The following BMPER variants were observed in gnomAD, a reference collection of about 807,000 sequenced individuals.
The protein encoded by BMPER is BMP binding endothelial regulator.
BMPER carries 45 observed loss-of-function variants against 87.3 expected under a neutral mutation model. The ratio of observed to expected loss-of-function variants is 0.52; its 90% confidence interval spans 0.41 to 0.66. The LOEUF (loss-of-function observed/expected upper bound fraction) is 0.66, where lower values mean the gene tolerates loss of function less well. Ranked by LOEUF, BMPER falls within the 30% of genes least tolerant of loss-of-function variation. The pLI is 0.00. For missense variants in BMPER, 784 were observed against 867.5 expected, an observed-to-expected ratio of 0.90 and a Z score of 1.21; for synonymous variants, 326 against 316.2, an observed-to-expected ratio of 1.03 and a Z score of -0.33.
At chr7:34,092,530 A>G (rs138323103) in intron 13 of BMPER, among the ~76,000 whole-genome samples, 1 of 152,244 alleles carries the variant, frequency 6.6e-6, no homozygotes, top group African/African-American at 2.4e-5. Flanking sequence ...TCACTCAGCA[A>G]TTTGCCTAAT....
chr7:33,982,739 C>A (rs1785898166), intron 6 of BMPER, among the ~76,000 whole-genome samples: 1 of 152,158 alleles, frequency 6.6e-6, no homozygotes, highest in Non-Finnish European at 1.5e-5. Flanking sequence ...CATAAATGCA[C>A]AACTATTGTT....
At chr7:34,032,417 A>G (rs898099008) in intron 6 of BMPER, among the ~76,000 whole-genome samples, 4 of 152,092 alleles carry the variant, frequency 2.6e-5, no homozygotes, top group African/African-American at 9.7e-5. Context: ...TTCATCACCC[A>G]TTATCTGGAG....
chr7:33,981,864 T>C (rs1393304054), intron 6 of BMPER, among the ~76,000 whole-genome samples: 4 of 152,176 alleles, frequency 2.6e-5, no homozygotes, highest in African/African-American at 9.7e-5. Context: ...GTGAATGACT[T>C]CCCTGAGAAT....
At chr7:33,993,777 G>A (rs1786306319) in intron 6 of BMPER, among the ~76,000 whole-genome samples, 1 of 152,136 alleles carries the variant, frequency 6.6e-6, no homozygotes, top group Non-Finnish European at 1.5e-5. Flanking sequence ...TTTGATGATG[G>A]TGATGTACAG....
In BMPER at chr7:34,085,917, G is replaced by C; in HGVS notation, c.1570G>C (p.Glu524Gln). 6.2e-7 allele frequency: 1 copy of C among 1,614,140 alleles called. No homozygotes were observed. Among genetic ancestry groups the C allele is most frequent in the Non-Finnish European group, 8.5e-7 (1 of 1,180,026 alleles). ...CAAGTTTGATGTGGATGACTTTGCT[G>C]AATCTTGGAGGGTGGAGTCCAATGA... The part of the protein sequence containing the change: ...NFKFDVDDFA[E>Q]SWRVESNEFC... The change falls in exon 13 of 15, where the codon GAA becomes CAA. Residue 524 changes from glutamate (E) to glutamine (Q), a missense_variant. Transcript: ENST00000649409.
At chr7:33,930,283 A>G (rs1364007118) in intron 2 of BMPER, among the ~76,000 whole-genome samples, 1 of 152,108 alleles carries the variant, frequency 6.6e-6, no homozygotes, top group Non-Finnish European at 1.5e-5. Context: ...TGGCTGACCA[A>G]ACTGCCTTTT....
intron 6 of BMPER, among the ~76,000 whole-genome samples, chr7:34,038,723 C>G (rs1162918930): frequency 6.6e-6 from 1 of 152,110 alleles, no homozygotes; most frequent in Non-Finnish European, 1.5e-5. Context: ...GCCCCATAGA[C>G]CCTTTCTCAG....
intron 13 of BMPER, among the ~76,000 whole-genome samples, chr7:34,090,006 A>C (rs1488906870): frequency 2.0e-5 from 3 of 152,182 alleles, no homozygotes; most frequent in Admixed American, 2.0e-4. Flanking sequence ...ATTTGGCATA[A>C]AAATTTGATA....
At chr7:34,007,652 A>AT (rs1464095987) in intron 6 of BMPER, among the ~76,000 whole-genome samples, 1 of 152,016 alleles carries the variant, frequency 6.6e-6, no homozygotes, top group African/African-American at 2.4e-5. Context: ...AAATGGCTGC[A>AT]TGTTATTCCA....
intron 6 of BMPER, among the ~76,000 whole-genome samples, chr7:33,976,262 C>A (rs939502050): frequency 6.6e-6 from 1 of 152,130 alleles, no homozygotes; most frequent in Non-Finnish European, 1.5e-5. Context: ...AAGTGATTCT[C>A]CTGCCTCAGC....
chr7:33,954,727 G>C (rs565360833), intron 3 of BMPER, among the ~76,000 whole-genome samples: 1 of 152,166 alleles, frequency 6.6e-6, no homozygotes, highest in East Asian at 1.9e-4. Context: ...TTCCACTACA[G>C]CTCCCATGAG....
At chr7:34,110,385 A>G (rs1465325095) in intron 13 of BMPER, among the ~76,000 whole-genome samples, 1 of 152,162 alleles carries the variant, frequency 6.6e-6, no homozygotes, top group Non-Finnish European at 1.5e-5. Context: ...AGGAAAGTGG[A>G]TGCACAGGTT....
At chr7:34,040,453 C>T (rs2127955296) in intron 6 of BMPER, among the ~76,000 whole-genome samples, 2 of 152,192 alleles carry the variant, frequency 1.3e-5, no homozygotes, top group East Asian at 1.9e-4. Context: ...ACGACTGAGA[C>T]ATAGTTGCAG....
chr7:33,975,034 C>T (rs1785649699), intron 6 of BMPER, among the ~76,000 whole-genome samples: 1 of 152,188 alleles, frequency 6.6e-6, no homozygotes, highest in Non-Finnish European at 1.5e-5. Context: ...CCCCTGGCTC[C>T]ACCAACTGGA....
At chr7:34,039,418 A>G (rs1205762041) in intron 6 of BMPER, among the ~76,000 whole-genome samples, 2 of 152,134 alleles carry the variant, frequency 1.3e-5, no homozygotes, top group Non-Finnish European at 2.9e-5. Context: ...CAATGTCTGG[A>G]GACATGCTTC....
chr7:34,113,341 G>T (rs1790029999), intron 13 of BMPER, among the ~76,000 whole-genome samples: 1 of 151,360 alleles, frequency 6.6e-6, no homozygotes, highest in Non-Finnish European at 1.5e-5. Context: ...ACCTTTTTTG[G>T]TAGCCAAATA....
chr7:33,948,632 T>C (rs1419466958), intron 3 of BMPER, among the ~76,000 whole-genome samples: 1 of 152,114 alleles, frequency 6.6e-6, no homozygotes, highest in Non-Finnish European at 1.5e-5. Context: ...CAGATCTGGT[T>C]TAAAATTGTG....
chr7:33,999,467 G>A (rs1413870736), intron 6 of BMPER, among the ~76,000 whole-genome samples: 1 of 152,160 alleles, frequency 6.6e-6, no homozygotes, highest in Non-Finnish European at 1.5e-5. Flanking sequence ...TTCAAATTTT[G>A]ATTAATGTGG....
At chr7:34,012,138 A>G (rs898225456) in intron 6 of BMPER, among the ~76,000 whole-genome samples, 2 of 151,922 alleles carry the variant, frequency 1.3e-5, no homozygotes, top group South Asian at 4.1e-4. Flanking sequence ...TACAAAGGAG[A>G]ATAGGGAACA....
Sources: gnomAD v4.1 joint callset for allele counts (sites outside exome capture counted in the v4.1 genomes callset) on GRCh38, gnomAD v4.1.1 for gene constraint, MANE v1.5 for transcripts, NCBI Gene and HGNC (gene_info 2026-07-23, HGNC 2026-07-21) for gene names.